HCN1: variants seen among roughly 807,000 people sequenced by gnomAD.
HCN1 encodes the protein potassium/sodium hyperpolarization-activated cyclic nucleotide-gated channel 1.
A neutral mutation model predicts 78.9 loss-of-function variants in HCN1; 13 were observed. That is an observed-to-expected ratio of 0.16 (90% CI 0.11 to 0.26). HCN1 has a LOEUF of 0.26. Among genes scored for constraint, HCN1 ranks in the 10% least tolerant of loss-of-function variants. The pLI, the probability that HCN1 is intolerant of heterozygous loss-of-function variation, is 1.00. For missense variants in HCN1, 810 were observed against 1,154.3 expected (o/e 0.70, Z 4.32); for synonymous variants, 552 against 455.5 (o/e 1.21, Z -2.70).
At chr5:45,571,386 T>C (rs1743831078) in intron 2 of HCN1, among the ~76,000 whole-genome samples, 1 of 152,182 alleles carries the variant, frequency 6.6e-6, no homozygotes, top group Non-Finnish European at 1.5e-5. Context: ...TGTTTTTCTC[T>C]TTTCTTTTGG....
intron 4 of HCN1, among the ~76,000 whole-genome samples, chr5:45,390,699 G>C (rs1054541281): frequency 2.6e-5 from 4 of 151,992 alleles, no homozygotes; most frequent in African/African-American, 9.7e-5. Flanking sequence ...AAAATACAAA[G>C]TTTGAAAAAT....
intron 2 of HCN1, among the ~76,000 whole-genome samples, chr5:45,523,630 A>G (rs1463872763): frequency 1.3e-5 from 2 of 151,844 alleles, no homozygotes; most frequent in African/African-American, 2.4e-5. Context: ...GCATTTTTTC[A>G]TGTGTTTTTT....
intron 2 of HCN1, chr5:45,642,231 G>A (rs2589172): frequency 9.2e-5 from 14 of 151,982 alleles, no homozygotes; most frequent in African/African-American, 2.7e-4. Flanking sequence ...CTTATAATTG[G>A]TTCATGAAAA....
At chr5:45,651,039 T>C in intron 1 of HCN1, among the ~76,000 whole-genome samples, 1 of 152,074 alleles carries the variant, frequency 6.6e-6, no homozygotes, top group East Asian at 1.9e-4. Flanking sequence ...TGAAAAATTC[T>C]TTTCTCCCCT....
chr5:45,605,463 A>C (rs919263333), intron 2 of HCN1, among the ~76,000 whole-genome samples: 3 of 151,720 alleles, frequency 2.0e-5, no homozygotes, highest in Admixed American at 2.0e-4. Context: ...AAACACAATA[A>C]ATTTCTGCAC....
At chr5:45,350,649 C>T (rs1435897601) in intron 5 of HCN1, among the ~76,000 whole-genome samples, 1 of 151,040 alleles carries the variant, frequency 6.6e-6, no homozygotes, top group Non-Finnish European at 1.5e-5. Flanking sequence ...CCAAAATCTC[C>T]TTAAGCTGAT....
chr5:45,423,814 T>C (rs1740279620), intron 3 of HCN1, among the ~76,000 whole-genome samples: 1 of 152,130 alleles, frequency 6.6e-6, no homozygotes, highest in Admixed American at 6.5e-5. Flanking sequence ...TATCTTCAAC[T>C]ACTCTCTTGA....
At chr5:45,460,153 A>G (rs1741116204) in intron 3 of HCN1, among the ~76,000 whole-genome samples, 1 of 152,182 alleles carries the variant, frequency 6.6e-6, no homozygotes, top group Non-Finnish European at 1.5e-5. Flanking sequence ...TTCATGTGTT[A>G]GAAGCTTAAT....
At chr5:45,485,602 A>C (rs1431640176) in intron 2 of HCN1, among the ~76,000 whole-genome samples, 5 of 152,204 alleles carry the variant, frequency 3.3e-5, no homozygotes, top group Non-Finnish European at 7.3e-5. Flanking sequence ...CTTTCATAAA[A>C]GTGATATGTT....
chr5:45,491,806 A>T (rs1375405868), intron 2 of HCN1, among the ~76,000 whole-genome samples: 10 of 152,134 alleles, frequency 6.6e-5, no homozygotes, highest in Admixed American at 1.3e-4. Context: ...GTCTTGAGGA[A>T]ATTATGCAGG....
chr5:45,354,598 C>CT (rs752506278), intron 4 of HCN1, among the ~76,000 whole-genome samples: 14 of 151,998 alleles, frequency 9.2e-5, no homozygotes, highest in Non-Finnish European at 1.9e-4. Flanking sequence ...TATTGCATCT[C>CT]TTCATTTTTT....
chr5:45,411,208 C>G (rs886211234), intron 3 of HCN1, among the ~76,000 whole-genome samples: 3 of 151,942 alleles, frequency 2.0e-5, no homozygotes, highest in Non-Finnish European at 4.4e-5. Context: ...CTGAGAGATA[C>G]AGATTTCTTT....
At chr5:45,426,379 C>T (rs537177336) in intron 3 of HCN1, among the ~76,000 whole-genome samples, 4 of 152,258 alleles carry the variant, frequency 2.6e-5, no homozygotes, top group Admixed American at 1.3e-4. Context: ...TCTGTGTCTC[C>T]ACCCAAATCT....
intron 2 of HCN1, among the ~76,000 whole-genome samples, chr5:45,639,063 G>A (rs975087904): frequency 2.0e-5 from 3 of 152,056 alleles, no homozygotes; most frequent in African/African-American, 4.8e-5. Flanking sequence ...TGTTTAATTG[G>A]AGAAGAAAGT....
At chr5:45,530,537 T>C (rs1742821013) in intron 2 of HCN1, among the ~76,000 whole-genome samples, 1 of 151,856 alleles carries the variant, frequency 6.6e-6, no homozygotes, top group South Asian at 2.1e-4. Context: ...TGATGTTTCA[T>C]AGTTACAGAA....
chr5:45,614,676 C>T (rs1309490817), intron 2 of HCN1, among the ~76,000 whole-genome samples: 3 of 152,032 alleles, frequency 2.0e-5, no homozygotes, highest in African/African-American at 2.4e-5. Flanking sequence ...TTCTCCTCTG[C>T]CTATTTCCTT....
At chr5:45,412,969 C>T (rs367751281) in intron 3 of HCN1, among the ~76,000 whole-genome samples, 1 of 152,158 alleles carries the variant, frequency 6.6e-6, no homozygotes, top group Non-Finnish European at 1.5e-5. Flanking sequence ...TAGTTTTGAA[C>T]ATTCTTGGCT....
At chr5:45,271,813 G>C (rs113393688) in intron 6 of HCN1, among the ~76,000 whole-genome samples, 2,607 of 152,098 alleles carry the variant, frequency 0.017, 72 homozygotes, top group African/African-American at 0.06. Flanking sequence ...GCAACTAAGG[G>C]CTAAATATAG....
At chr5:45,658,544 G>C (rs756925530) in intron 1 of HCN1, among the ~76,000 whole-genome samples, 1 of 152,096 alleles carries the variant, frequency 6.6e-6, no homozygotes, top group African/African-American at 2.4e-5. Flanking sequence ...CTGAGGTAAC[G>C]GGTTCATCTC....
Sources: gnomAD v4.1 joint callset for allele counts (sites outside exome capture counted in the v4.1 genomes callset) on GRCh38, gnomAD v4.1.1 for gene constraint, MANE v1.5 for transcripts, NCBI Gene and HGNC (gene_info 2026-07-23, HGNC 2026-07-21) for gene names.